The following DNAH5 variants were observed in gnomAD, a reference collection of about 807,000 sequenced individuals.
DNAH5 encodes axonemal beta dynein heavy chain 5.
Under a neutral mutation model 518.2 loss-of-function variants are expected in DNAH5, and 372 were observed. That is an observed-to-expected ratio of 0.72 (90% CI 0.66 to 0.78). The LOEUF (loss-of-function observed/expected upper bound fraction) is 0.78. Ranked by LOEUF, DNAH5 falls within the 30% of genes least tolerant of loss-of-function variation. DNAH5 has a pLI of 0.00. For missense variants in DNAH5, 5,523 were observed against 5,687.0 expected (o/e 0.97, Z 0.93); for synonymous variants, 2,039 against 2,025.9 (o/e 1.01, Z -0.17).
At chr5:13,903,800 G>C (rs961725716) in intron 12 of DNAH5, among the ~76,000 whole-genome samples, 1 of 151,994 alleles carries the variant, frequency 6.6e-6, no homozygotes, top group Non-Finnish European at 1.5e-5. Flanking sequence ...ATAGGCATTT[G>C]GGTGTAAAGA....
intron 30 of DNAH5, 76 bp downstream of exon 30, chr5:13,859,376 G>C: frequency 6.8e-7 from 1 of 1,472,952 alleles, no homozygotes. Flanking sequence ...GAATATTATT[G>C]CATTATTTAA....
At chr5:13,829,461 T>C (rs558533864) in intron 38 of DNAH5, 49 bp downstream of exon 38, 13 of 1,585,518 alleles carry the variant, frequency 8.2e-6, no homozygotes, top group African/African-American at 1.3e-5. Context: ...TTCTGCTGAA[T>C]AGAAAAATGA....
intron 22 of DNAH5, among the ~76,000 whole-genome samples, chr5:13,873,616 C>G (rs531389500): frequency 2.0e-5 from 3 of 152,052 alleles, no homozygotes; most frequent in Non-Finnish European, 4.4e-5. Flanking sequence ...ACAATTGTAT[C>G]ATCTACAAAT....
intron 35 of DNAH5, among the ~76,000 whole-genome samples, chr5:13,837,983 A>G (rs2151854068): frequency 6.6e-6 from 1 of 152,198 alleles, no homozygotes. Flanking sequence ...TACAAGCGTG[A>G]GCGAGCCACC....
At chr5:13,914,469 C>T in intron 10 of DNAH5, 51 bp downstream of exon 10, 2 of 1,591,700 alleles carry the variant, frequency 1.3e-6, no homozygotes, top group Non-Finnish European at 1.7e-6. Flanking sequence ...ATGGTCTCAA[C>T]AAAAATAAGA....
chr5:13,794,961 C>T (rs1019763853), intron 47 of DNAH5, among the ~76,000 whole-genome samples: 8 of 152,112 alleles, frequency 5.3e-5, no homozygotes, highest in African/African-American at 9.6e-5. Flanking sequence ...AGCGAGACTC[C>T]GTCTCAAAAT....
intron 1 of DNAH5, among the ~76,000 whole-genome samples, chr5:13,974,767 C>T (rs529863774): frequency 1.4e-4 from 21 of 152,290 alleles, no homozygotes; most frequent in South Asian, 6.2e-4. Flanking sequence ...GCTTCACAGG[C>T]CTCAATGAGC....
At chr5:13,972,819 C>T (rs1010882778) in intron 1 of DNAH5, among the ~76,000 whole-genome samples, 1 of 152,196 alleles carries the variant, frequency 6.6e-6, no homozygotes, top group African/African-American at 2.4e-5. Context: ...CTGCTCTGTC[C>T]ATTCGAGTGG....
At chr5:13,854,849 G>A (rs1015128963) in intron 30 of DNAH5, among the ~76,000 whole-genome samples, 1 of 152,148 alleles carries the variant, frequency 6.6e-6, no homozygotes, top group Non-Finnish European at 1.5e-5. Context: ...CCCGAAACAG[G>A]AGCACCCAGG....
intron 47 of DNAH5, among the ~76,000 whole-genome samples, chr5:13,806,009 G>A (rs13162963): frequency 6.6e-6 from 1 of 152,152 alleles, no homozygotes; most frequent in Non-Finnish European, 1.5e-5. Flanking sequence ...ACAGTCTCAT[G>A]AAGTGTGGAT....
chr5:13,868,432 A>G (rs561200847), intron 24 of DNAH5, among the ~76,000 whole-genome samples: 341 of 152,336 alleles, frequency 2.2e-3, no homozygotes, highest in Non-Finnish European at 4.0e-3. Flanking sequence ...GTGATCGATA[A>G]GAGGTTCCAA....
intron 31 of DNAH5, among the ~76,000 whole-genome samples, chr5:13,845,832 CTT>C (rs557275110): frequency 5.4e-5 from 6 of 110,648 alleles, no homozygotes; most frequent in Non-Finnish European, 3.6e-5. Flanking sequence ...CTTTTTTGAC[CTT>C]TTTTTTTTTT....
intron 45 of DNAH5, among the ~76,000 whole-genome samples, chr5:13,809,802 T>C (rs1342844355): frequency 6.6e-6 from 1 of 152,216 alleles, no homozygotes; most frequent in Non-Finnish European, 1.5e-5. Flanking sequence ...TGGATCTGAT[T>C]TGGTTTTTTA....
At position 13,766,042 on chromosome 5, in the gene DNAH5, A is replaced by G. The variant is rs150268680; in HGVS notation, c.10035T>C (p.Cys3345=). 8.1e-5 allele frequency: 131 copies of G among 1,614,070 alleles called. No individual in the cohort carries two copies. Among genetic ancestry groups the G allele is most frequent in the Middle Eastern group, 1.6e-4 (1 of 6,084 alleles). ...AGGATTCCTGCCAGGAGGGCATGGT[A>G]CAGCTTTTTTCCAGGTCAATTTTCA... The part of the protein sequence containing the change: ...SAVKIDLEKS[C]TMPSWQESLK... The change falls in exon 59 of 79, where the codon TGT becomes TGC. Residue 3345 remains cysteine (C), a synonymous_variant. Transcript: ENST00000265104.
intron 1 of DNAH5, among the ~76,000 whole-genome samples, chr5:13,949,799 G>A (rs78277136): frequency 1.3e-5 from 2 of 152,224 alleles, no homozygotes; most frequent in Non-Finnish European, 1.5e-5. Flanking sequence ...AAGTATCTCT[G>A]TCTTCCCTGG....
intron 47 of DNAH5, among the ~76,000 whole-genome samples, chr5:13,799,327 G>A (rs1044402747): frequency 9.2e-5 from 14 of 151,700 alleles, no homozygotes; most frequent in Non-Finnish European, 1.6e-4. Context: ...GTCTATTAAT[G>A]AGAACACTTT....
chr5:13,791,726 CAATT>C (rs1433737256), intron 50 of DNAH5, among the ~76,000 whole-genome samples: 1 of 151,910 alleles, frequency 6.6e-6, no homozygotes, highest in Non-Finnish European at 1.5e-5. Flanking sequence ...GAAAATAAAT[CAATT>C]GTTTCTTTTA....
At chr5:13,795,463 A>C (rs1413625398) in intron 47 of DNAH5, among the ~76,000 whole-genome samples, 1 of 152,228 alleles carries the variant, frequency 6.6e-6, no homozygotes, top group African/African-American at 2.4e-5. Flanking sequence ...AAATGGATAA[A>C]TTCCTGGACA....
intron 12 of DNAH5, 84 bp from the exon 13 acceptor site, chr5:13,902,222 T>C: frequency 1.0e-6 from 1 of 977,232 alleles, no homozygotes; most frequent in Non-Finnish European, 1.6e-6. Context: ...TTCCATTCTG[T>C]GCAAACACAT....
Sources: gnomAD v4.1 joint callset for allele counts (sites outside exome capture counted in the v4.1 genomes callset) on GRCh38, gnomAD v4.1.1 for gene constraint, MANE v1.5 for transcripts, NCBI Gene and HGNC (gene_info 2026-07-23, HGNC 2026-07-21) for gene names.